FTO: variants seen among roughly 807,000 people sequenced by gnomAD.
FTO encodes alpha-ketoglutarate-dependent dioxygenase FTO.
Under a neutral mutation model 63.9 loss-of-function variants are expected in FTO, and 47 were observed. The ratio of observed to expected loss-of-function variants is 0.74; its 90% CI spans 0.58 to 0.94. FTO has a LOEUF of 0.94. FTO is among the 40% of genes least tolerant of loss of function. FTO has a pLI of 0.00. For synonymous variants in FTO, 207 were observed against 224.4 expected (o/e 0.92, Z 0.69); for missense variants, 562 against 618.1 (o/e 0.91, Z 0.96).
chr16:53,722,402 T>C (rs1057225674), intron 1 of FTO, among the ~76,000 whole-genome samples: 1 of 152,254 alleles, frequency 6.6e-6, no homozygotes, highest in East Asian at 1.9e-4. Context: ...CAGCATTTCT[T>C]GTCAAATGGA....
Position 53,873,787 on chromosome 16 carries a change from T to G in FTO, c.897T>G (p.Asp299Glu). Residue 299 changes from aspartate (D) to glutamate (E), a missense_variant and splice_region_variant, in exon 5 of 9, where the codon GAT becomes GAG. Coordinates refer to ENST00000471389, the MANE Select transcript of FTO (RefSeq NM_001080432.3). ...ACATTTCTGGTGTTTTTCCTGTAGA[T>G]GATCTCAATGCCACCCACCAACACT... ...LHQGDCYFML[D>E]DLNATHQHCV... is the part of the protein sequence containing the mutation. 1 of 1,612,486 alleles carries G rather than the reference T, an allele frequency of 6.2e-7. No homozygotes were observed. The highest frequency in any genetic ancestry group is 8.5e-7 in the Non-Finnish European group (1 of 1,178,738).
chr16:53,900,202 A>AT (rs1218265954), intron 7 of FTO, among the ~76,000 whole-genome samples: 11 of 151,454 alleles, frequency 7.3e-5, no homozygotes, highest in East Asian at 5.8e-4. Flanking sequence ...CTGTCTTTTA[A>AT]TTTTTTTTTC....
chr16:53,805,391 G>A (rs1431787398), intron 1 of FTO, among the ~76,000 whole-genome samples: 1 of 151,712 alleles, frequency 6.6e-6, no homozygotes, highest in African/African-American at 2.4e-5. Context: ...GAGGCTTAGG[G>A]CTGGTGTAGT....
rs1248286444 is a variant in FTO at position 53,933,382 on chromosome 16, T to C, written c.1240-603T>C. Among the ~76,000 whole-genome samples the C allele has an allele frequency of 8.5e-5, 13 of 152,230 alleles. 1 individual carries two copies. The highest frequency in any genetic ancestry group is 4.6e-4 in the Admixed American group (7 of 15,276). On this transcript the variant is annotated intron_variant, in intron 7 of 8. Transcript: ENST00000471389. ...CATCTATAAAAATCTAAAGATGTTC[T>C]TTGAGATACTCATTCAAAGAAATGG...
chr16:53,785,990 G>A (rs975614563), intron 1 of FTO, among the ~76,000 whole-genome samples: 2 of 151,752 alleles, frequency 1.3e-5, no homozygotes, highest in Non-Finnish European at 2.9e-5. Flanking sequence ...CATTAAGAAG[G>A]TAAAAGTTTT....
intron 1 of FTO, among the ~76,000 whole-genome samples, chr16:53,787,404 A>G (rs1185961201): frequency 2.6e-5 from 4 of 151,782 alleles, no homozygotes; most frequent in Non-Finnish European, 5.9e-5. Context: ...CCTGGAAGGC[A>G]CCCTAGATAG....
chr16:53,796,808 A>T (rs944292355), intron 1 of FTO, among the ~76,000 whole-genome samples: 1 of 152,212 alleles, frequency 6.6e-6, no homozygotes. Flanking sequence ...TTGGGGTATA[A>T]TTGATATAGA....
chr16:53,804,632 C>CTTTTTTT (rs10602540), intron 1 of FTO, among the ~76,000 whole-genome samples: 4 of 130,168 alleles, frequency 3.1e-5, no homozygotes, highest in Admixed American at 7.8e-5. Flanking sequence ...TCTTATTGAT[C>CTTTTTTT]TTTTTTTTTT....
intron 4 of FTO, among the ~76,000 whole-genome samples, chr16:53,848,750 C>T (rs2079704695): frequency 6.6e-6 from 1 of 152,076 alleles, no homozygotes; most frequent in African/African-American, 2.4e-5. Flanking sequence ...TTATACAGTT[C>T]AAGGGACATC....
intron 1 of FTO, among the ~76,000 whole-genome samples, chr16:53,749,712 C>T (rs1467933731): frequency 1.2e-4 from 18 of 152,056 alleles, no homozygotes; most frequent in African/African-American, 4.3e-4. Flanking sequence ...GTGCTGGGAT[C>T]ACAAGCGTGA....
chr16:53,773,914 A>G (rs1328461427), intron 1 of FTO, among the ~76,000 whole-genome samples: 1 of 152,154 alleles, frequency 6.6e-6, no homozygotes, highest in Non-Finnish European at 1.5e-5. Flanking sequence ...GAAGCGTGTC[A>G]TAGGAACAGT....
Position 54,117,177 on chromosome 16 carries a change from T to C in FTO, c.*5262T>C, listed in dbSNP as rs2086979796. On this transcript the variant is annotated 3_prime_UTR_variant, in exon 9 of 9. Transcript: ENST00000471389. The stretch of plus-strand genomic sequence containing the variant: ...CTCTACCACCTCTTCAAACCTTTGT[T>C]GTCTTATCTACAAAATAGAATAGTA... 6.6e-6 allele frequency: 1 copy of C among 152,234 alleles called. No individual in the cohort carries two copies. The highest frequency in any genetic ancestry group is 2.4e-5 in the African/African-American group (1 of 41,458). 9.4% of individuals were successfully genotyped at this position (152,234 alleles called of 1,614,324 possible).
At chr16:53,809,621 T>C (rs6499646) in intron 1 of FTO, among the ~76,000 whole-genome samples, 36,234 of 152,094 alleles carry the variant, frequency 0.24, 8,002 homozygotes, top group African/African-American at 0.58. Context: ...TTTCTAAATT[T>C]ATGCTTCATA....
intron 7 of FTO, among the ~76,000 whole-genome samples, chr16:53,902,084 T>A (rs1337926956): frequency 6.6e-6 from 1 of 152,176 alleles, no homozygotes. Context: ...GCCTTCTTCT[T>A]TGATATCTCA....
chr16:54,094,202 G>A (rs1297789151), intron 8 of FTO, among the ~76,000 whole-genome samples: 8 of 152,170 alleles, frequency 5.3e-5, no homozygotes. Flanking sequence ...AGATGCCCAG[G>A]TGGGAAACTT....
rs552173714 is a variant in FTO, at chr16:53,950,232, TA to T, written c.1364+16130del. Among the ~76,000 whole-genome samples the T allele has an allele frequency of 6.2e-4, 90 of 144,872 alleles. 1 individual carries two copies. The South Asian group carries it at 0.02, about 32-fold the overall frequency. ...TTCAGGTGCTATTTTAATTATGAGGTAAAAAAACAGCCCCACACAGTAGGAA... is the reference window on the plus strand; with the variant it reads ...TTCAGGTGCTATTTTAATTATGAGGTAAAAAACAGCCCCACACAGTAGGAA... On this transcript the variant is annotated intron_variant, in intron 8 of 8. Coordinates refer to ENST00000471389, the MANE Select transcript of FTO (RefSeq NM_001080432.3).
At chr16:54,107,464 T>G (rs1247336922) in intron 8 of FTO, among the ~76,000 whole-genome samples, 3 of 152,180 alleles carry the variant, frequency 2.0e-5, no homozygotes, top group Non-Finnish European at 4.4e-5. Context: ...CATTCTCTTG[T>G]TTTCTGGGCA....
chr16:53,817,089 A>G (rs949559258), intron 2 of FTO, among the ~76,000 whole-genome samples: 6 of 152,236 alleles, frequency 3.9e-5, no homozygotes, highest in Non-Finnish European at 8.8e-5. Flanking sequence ...AATAGGACCT[A>G]TCTTCTTTTA....
intron 7 of FTO, among the ~76,000 whole-genome samples, chr16:53,899,634 TC>T (rs2081354646): frequency 1.3e-5 from 2 of 152,188 alleles, no homozygotes; most frequent in Admixed American, 1.3e-4. Context: ...TTCAGACAGA[TC>T]CCAGGAAAGG....
Sources: allele counts gnomAD v4.1 joint callset (sites outside exome capture counted in the v4.1 genomes callset), GRCh38; gene constraint gnomAD v4.1.1; transcripts MANE v1.5; gene names NCBI Gene and HGNC (gene_info 2026-07-23, HGNC 2026-07-21).